Variants in RBFOX1 observed in about 807,000 individuals in gnomAD.
RBFOX1 encodes RNA binding fox-1 homolog 1, also known as RNA binding protein fox-1 homolog 1.
In RBFOX1, 8 loss-of-function variants were observed where a neutral mutation model predicts 57.7. That is an observed-to-expected ratio of 0.14 (90% CI 0.08 to 0.25). The LOEUF (loss-of-function observed/expected upper bound fraction) is 0.25. Among genes scored for constraint, RBFOX1 ranks in the 10% least tolerant of loss-of-function variants. RBFOX1 has a pLI of 1.00. For missense variants in RBFOX1, 611 were observed against 548.5 expected, an observed-to-expected ratio of 1.11 and a Z score of -1.14; for synonymous variants, 326 against 222.4, an observed-to-expected ratio of 1.47 and a Z score of -4.15.
chr16:6,698,158 A>C (rs1403060029), intron 3 of RBFOX1, among the ~76,000 whole-genome samples: 1 of 152,136 alleles, frequency 6.6e-6, no homozygotes, highest in Admixed American at 6.6e-5. Flanking sequence ...ATCCACTTAT[A>C]TTTCTTCCAC....
At chr16:6,923,171 C>G (rs1460763110) in intron 3 of RBFOX1, among the ~76,000 whole-genome samples, 3 of 152,154 alleles carry the variant, frequency 2.0e-5, no homozygotes, top group African/African-American at 7.2e-5. Context: ...AATAAATACC[C>G]TGGTCCCTGC....
At chr16:7,019,257 G>T (rs922340622) in intron 3 of RBFOX1, among the ~76,000 whole-genome samples, 7 of 151,968 alleles carry the variant, frequency 4.6e-5, no homozygotes, top group African/African-American at 7.2e-5. Context: ...TTGTTAGGTT[G>T]GTGCTTGAGA....
intron 2 of RBFOX1, among the ~76,000 whole-genome samples, chr16:6,616,809 T>C (rs941352655): frequency 2.0e-5 from 3 of 152,234 alleles, no homozygotes; most frequent in African/African-American, 7.2e-5. Flanking sequence ...TTCTGATTAA[T>C]GCTGCCATAA....
intron 1 of RBFOX1, among the ~76,000 whole-genome samples, chr16:6,157,305 C>T (rs1486971273): frequency 6.6e-6 from 1 of 151,360 alleles, no homozygotes; most frequent in African/African-American, 2.4e-5. Context: ...AACCATTTGC[C>T]CTACTTCTCT....
At chr16:7,215,725 ATT>A (rs56108914) in intron 4 of RBFOX1, among the ~76,000 whole-genome samples, 6 of 133,348 alleles carry the variant, frequency 4.5e-5, no homozygotes, top group African/African-American at 1.2e-4. Flanking sequence ...CCTATTCTGG[ATT>A]TTTTTTTTTT....
chr16:6,848,513 G>A (rs7201150), intron 3 of RBFOX1, among the ~76,000 whole-genome samples: 2 of 151,594 alleles, frequency 1.3e-5, no homozygotes, highest in East Asian at 1.9e-4. Context: ...CGACATTATT[G>A]GTCAAATCTA....
At chr16:6,930,905 C>T (rs775366698) in intron 3 of RBFOX1, among the ~76,000 whole-genome samples, 8 of 151,770 alleles carry the variant, frequency 5.3e-5, no homozygotes, top group South Asian at 2.1e-4. Context: ...TCACCATAGC[C>T]GAGTCTTCTG....
intron 11 of RBFOX1, among the ~76,000 whole-genome samples, chr16:7,638,542 C>T (rs1243948571): frequency 6.6e-6 from 1 of 152,134 alleles, no homozygotes; most frequent in Non-Finnish European, 1.5e-5. Flanking sequence ...CTGTCTCCTC[C>T]CCATCCCATC....
chr16:6,383,421 T>G (rs927896875), intron 2 of RBFOX1, among the ~76,000 whole-genome samples: 3 of 152,178 alleles, frequency 2.0e-5, no homozygotes, highest in African/African-American at 7.2e-5. Context: ...TTTTCTATCT[T>G]GCTTTCTTCC....
At chr16:6,567,131 G>A (rs529252357) in intron 2 of RBFOX1, among the ~76,000 whole-genome samples, 8 of 152,224 alleles carry the variant, frequency 5.3e-5, no homozygotes, top group East Asian at 3.9e-4. Context: ...TCTCTGCATC[G>A]CCTTTGGTTT....
intron 4 of RBFOX1, among the ~76,000 whole-genome samples, chr16:5,906,435 G>T (rs538281552): frequency 6.6e-6 from 1 of 152,156 alleles, no homozygotes; most frequent in Non-Finnish European, 1.5e-5. Context: ...GTAGAGCTAC[G>T]GAACAGATCC....
At chr16:6,761,829 C>G (rs1238027280) in intron 3 of RBFOX1, among the ~76,000 whole-genome samples, 2 of 151,948 alleles carry the variant, frequency 1.3e-5, no homozygotes, top group African/African-American at 4.8e-5. Flanking sequence ...TGCTACTACG[C>G]CATCCAGACT....
intron 1 of RBFOX1, among the ~76,000 whole-genome samples, chr16:5,324,477 T>C (rs553658936): frequency 1.8e-4 from 28 of 151,972 alleles, no homozygotes; most frequent in Non-Finnish European, 2.9e-4. Flanking sequence ...TAAAATAAAA[T>C]ACACAATCCT....
intron 4 of RBFOX1, among the ~76,000 whole-genome samples, chr16:7,161,622 T>A (rs1228300910): frequency 6.6e-6 from 1 of 152,160 alleles, no homozygotes; most frequent in Non-Finnish European, 1.5e-5. Context: ...GGCTAAGTAA[T>A]CCCAGGGAGC....
At position 6,468,986 on chromosome 16, in the gene RBFOX1, A is replaced by C. The variant is rs544396121; in HGVS notation, c.-64+151929A>C. ...AGGGCCCATTGTGTGTTGTTTCCCTACCTTTTCTTAGGAACCAGAAGCCCC... is the reference window on the plus strand; with the variant it reads ...AGGGCCCATTGTGTGTTGTTTCCCTCCCTTTTCTTAGGAACCAGAAGCCCC... On this transcript the variant is annotated intron_variant, in intron 2 of 15. Coordinates refer to ENST00000550418, the MANE Select transcript of RBFOX1 (RefSeq NM_018723.4). Among the ~76,000 whole-genome samples, 70 of 151,870 alleles carry C rather than the reference A, an allele frequency of 4.6e-4. No individual in the cohort carries two copies. In the South Asian group the frequency reaches 0.014, roughly 30 times the overall value.
At chr16:6,639,242 T>C (rs1162889844) in intron 2 of RBFOX1, among the ~76,000 whole-genome samples, 1 of 152,228 alleles carries the variant, frequency 6.6e-6, no homozygotes, top group Non-Finnish European at 1.5e-5. Flanking sequence ...CCATTGGATG[T>C]CTTTCTGGAA....
At chr16:5,379,735 C>T (rs958681360) in intron 1 of RBFOX1, among the ~76,000 whole-genome samples, 1 of 152,188 alleles carries the variant, frequency 6.6e-6, no homozygotes, top group African/African-American at 2.4e-5. Flanking sequence ...AAAGATGAGG[C>T]TCTTTATCTC....
At chr16:7,152,018 G>C (rs377063267) in intron 4 of RBFOX1, among the ~76,000 whole-genome samples, 1 of 152,136 alleles carries the variant, frequency 6.6e-6, no homozygotes, top group African/African-American at 2.4e-5. Context: ...ACTGGTACTA[G>C]GCCATCGCCT....
At chr16:7,649,272 GATTA>G (rs945666357) in intron 11 of RBFOX1, among the ~76,000 whole-genome samples, 1 of 152,164 alleles carries the variant, frequency 6.6e-6, no homozygotes, top group Non-Finnish European at 1.5e-5. Context: ...TGTGATAAAG[GATTA>G]ATTTTCTTAA....
Sources: gnomAD v4.1 joint callset for allele counts (sites outside exome capture counted in the v4.1 genomes callset) on GRCh38, gnomAD v4.1.1 for gene constraint, MANE v1.5 for transcripts, NCBI Gene and HGNC (gene_info 2026-07-23, HGNC 2026-07-21) for gene names.